The following ZRANB3 variants were observed in gnomAD, a reference collection of about 807,000 sequenced individuals.
The protein encoded by ZRANB3 is DNA annealing helicase and endonuclease ZRANB3.
A neutral mutation model predicts 133.8 loss-of-function variants in ZRANB3; 125 were observed. The ratio of observed to expected loss-of-function variants is 0.93; its 90% confidence interval spans 0.81 to 1.08. The LOEUF is 1.08. Among genes scored for constraint, ZRANB3 ranks in the 50% least tolerant of loss-of-function variants. The pLI, the probability that ZRANB3 is intolerant of heterozygous loss-of-function variation, is 0.00. For synonymous variants in ZRANB3, 387 were observed against 432.7 expected, an observed-to-expected ratio of 0.89 and a Z score of 1.31; for missense variants, 1,229 against 1,275.5, an observed-to-expected ratio of 0.96 and a Z score of 0.56.
rs1198855156 is a variant in ZRANB3, at chr2:135,203,066, G to A, written c.3010-103C>T. On this transcript the variant is annotated intron_variant, in intron 19 of 20. Coordinates refer to ENST00000264159, the MANE Select transcript of ZRANB3 (RefSeq NM_032143.4). Reference sequence around the variant, plus strand: ...TGTATGTTTATACAGGAAAATCATGGGGAAAAATACATCAGGAGAGCTTTT... The same window carrying A: ...TGTATGTTTATACAGGAAAATCATGAGGAAAAATACATCAGGAGAGCTTTT... The A allele has an allele frequency of 1.1e-5, 15 of 1,378,416 alleles. No individual in the cohort carries two copies. In the East Asian group the frequency reaches 3.9e-4, roughly 36 times the overall value. The allele number at this position is 1,378,416 out of a possible 1,614,324, so 85.4% of individuals were successfully genotyped here. A position where few individuals can be genotyped will look rare whatever the true frequency, so the allele number is the denominator to read the frequency against.
At chr2:135,366,435 TACA>T (rs1264430197) in intron 3 of ZRANB3, among the ~76,000 whole-genome samples, 1 of 152,090 alleles carries the variant, frequency 6.6e-6, no homozygotes, top group East Asian at 1.9e-4. Flanking sequence ...GTTGCCAAAA[TACA>T]ACAATTGACT....
intron 12 of ZRANB3, among the ~76,000 whole-genome samples, chr2:135,254,532 G>A (rs1679555695): frequency 1.3e-5 from 2 of 151,850 alleles, no homozygotes; most frequent in Admixed American, 1.3e-4. Flanking sequence ...AGAATCACTT[G>A]AACCTGGGAG....
chr2:135,245,926 C>CAAA (rs1177438717), intron 12 of ZRANB3, among the ~76,000 whole-genome samples: 282 of 19,498 alleles, frequency 0.014, 26 homozygotes, highest in East Asian at 0.038. Context: ...AACTCCGTCT[C>CAAA]AAAAAAAAAA....
intron 11 of ZRANB3, 138 bp downstream of exon 11, chr2:135,268,824 C>T (rs914465946): frequency 3.9e-6 from 3 of 764,060 alleles, no homozygotes; most frequent in Non-Finnish European, 6.1e-6. Context: ...CTTTTCTTAA[C>T]TTGGTCTCTA....
intron 2 of ZRANB3, among the ~76,000 whole-genome samples, chr2:135,491,429 C>T (rs1216874779): frequency 2.0e-5 from 3 of 152,298 alleles, no homozygotes; most frequent in South Asian, 4.1e-4. Context: ...ACTGCAACCT[C>T]CACCTCCCGG....
intron 1 of ZRANB3, among the ~76,000 whole-genome samples, chr2:135,506,975 C>G (rs1693216998): frequency 6.6e-6 from 1 of 152,154 alleles, no homozygotes; most frequent in Non-Finnish European, 1.5e-5. Flanking sequence ...ACCCCCATAA[C>G]AAAACTTAGC....
intron 2 of ZRANB3, among the ~76,000 whole-genome samples, chr2:135,497,782 G>C (rs1353976685): frequency 6.6e-6 from 1 of 152,156 alleles, no homozygotes; most frequent in Non-Finnish European, 1.5e-5. Context: ...GCTGAGCGCG[G>C]TGGCTCACAC....
intron 1 of ZRANB3, among the ~76,000 whole-genome samples, chr2:135,529,297 A>G (rs1694297286): frequency 6.6e-6 from 1 of 152,216 alleles, no homozygotes; most frequent in African/African-American, 2.4e-5. Context: ...TCTTTATTCA[A>G]TCAGTTTTCC....
chr2:135,284,671 T>C (rs1681263264), intron 8 of ZRANB3, among the ~76,000 whole-genome samples: 1 of 151,718 alleles, frequency 6.6e-6, no homozygotes, highest in Non-Finnish European at 1.5e-5. Context: ...CGGGGTTTCA[T>C]CATGTTGGCC....
intron 2 of ZRANB3, among the ~76,000 whole-genome samples, chr2:135,406,071 C>T (rs1023740132): frequency 6.6e-6 from 1 of 151,970 alleles, no homozygotes; most frequent in Non-Finnish European, 1.5e-5. Flanking sequence ...TGATAGACCG[C>T]TAGCAAGACT....
chr2:135,318,337 T>A, intron 6 of ZRANB3, among the ~76,000 whole-genome samples: 1 of 151,626 alleles, frequency 6.6e-6, no homozygotes, highest in East Asian at 1.9e-4. Context: ...CCTTTATTTT[T>A]CTTAATTCTC....
chr2:135,378,466 T>C (rs955460208), intron 3 of ZRANB3, among the ~76,000 whole-genome samples: 2 of 150,976 alleles, frequency 1.3e-5, no homozygotes, highest in Non-Finnish European at 2.9e-5. Flanking sequence ...CATTCCATCC[T>C]GGGTGACAGA....
At chr2:135,451,536 T>C (rs560865414) in intron 2 of ZRANB3, among the ~76,000 whole-genome samples, 1 of 151,470 alleles carries the variant, frequency 6.6e-6, no homozygotes, top group African/African-American at 2.4e-5. Flanking sequence ...CACTCCAGCC[T>C]GGGCAACAGA....
chr2:135,384,733 T>A (rs971666569), intron 3 of ZRANB3, among the ~76,000 whole-genome samples: 15 of 151,978 alleles, frequency 9.9e-5, no homozygotes, highest in African/African-American at 2.7e-4. Context: ...ACAGAACCAA[T>A]GACAAAAACC....
intron 15 of ZRANB3, among the ~76,000 whole-genome samples, chr2:135,221,139 G>A (rs577884873): frequency 7.9e-5 from 12 of 152,228 alleles, no homozygotes; most frequent in African/African-American, 2.6e-4. Flanking sequence ...TTACAGGTGT[G>A]AGCCACTGTG....
intron 2 of ZRANB3, 182 bp downstream of exon 2, chr2:135,504,147 G>A: frequency 1.4e-6 from 1 of 711,100 alleles, no homozygotes; most frequent in Admixed American, 2.2e-5. Flanking sequence ...ATCACAATTG[G>A]TTCAATATAT....
At chr2:135,385,823 T>C (rs372898376) in intron 3 of ZRANB3, among the ~76,000 whole-genome samples, 1 of 152,302 alleles carries the variant, frequency 6.6e-6, no homozygotes. Flanking sequence ...CTTTACACCT[T>C]ATACAAAAAT....
chr2:135,526,157 ATTTT>A (rs993714638), intron 1 of ZRANB3, among the ~76,000 whole-genome samples: 1 of 108,074 alleles, frequency 9.3e-6, no homozygotes, highest in East Asian at 2.6e-4. Context: ...CTAAGCTATG[ATTTT>A]TTTTTTTTTT....
At chr2:135,418,729 TACTAGGA>T (rs1688698313) in intron 2 of ZRANB3, among the ~76,000 whole-genome samples, 1 of 151,192 alleles carries the variant, frequency 6.6e-6, no homozygotes, top group Non-Finnish European at 1.5e-5. Flanking sequence ...GAGGAGGAGG[TACTAGGA>T]AAAGAGGCAG....
Sources: allele counts gnomAD v4.1 joint callset (sites outside exome capture counted in the v4.1 genomes callset), GRCh38; gene constraint gnomAD v4.1.1; transcripts MANE v1.5; gene names NCBI Gene and HGNC (gene_info 2026-07-23, HGNC 2026-07-21).